The following MACROD2 variants were observed in gnomAD, a reference collection of about 807,000 sequenced individuals.
MACROD2 encodes mono-ADP ribosylhydrolase 2.
In MACROD2, 36 loss-of-function variants were observed where a neutral mutation model predicts 70.4. The observed-to-expected ratio is 0.51, with a 90% CI of 0.39 to 0.68. The LOEUF (loss-of-function observed/expected upper bound fraction) is 0.68. MACROD2 is among the 30% of genes least tolerant of loss of function. The pLI is 0.00. For missense variants in MACROD2, 496 were observed against 538.4 expected (o/e 0.92, Z 0.78); for synonymous variants, 172 against 178.8 (o/e 0.96, Z 0.30).
At chr20:15,142,819 T>C (rs1485554001) in intron 5 of MACROD2, among the ~76,000 whole-genome samples, 1 of 152,164 alleles carries the variant, frequency 6.6e-6, no homozygotes, top group East Asian at 1.9e-4. Flanking sequence ...GCTTCATCCA[T>C]GTCCCTACAA....
At chr20:15,797,361 C>T (rs1271025214) in intron 8 of MACROD2, among the ~76,000 whole-genome samples, 1 of 152,088 alleles carries the variant, frequency 6.6e-6, no homozygotes, top group Non-Finnish European at 1.5e-5. Context: ...GTGATCCGCC[C>T]GCCCCAGCCT....
intron 8 of MACROD2, among the ~76,000 whole-genome samples, chr20:15,553,639 T>C (rs2048127412): frequency 6.6e-6 from 1 of 152,156 alleles, no homozygotes; most frequent in Admixed American, 6.5e-5. Flanking sequence ...AGGCCAGTCC[T>C]GAACTCCTAA....
chr20:14,644,021 A>G (rs1985237520), intron 4 of MACROD2, among the ~76,000 whole-genome samples: 1 of 152,226 alleles, frequency 6.6e-6, no homozygotes, highest in Admixed American at 6.6e-5. Flanking sequence ...TAATGTATAT[A>G]AAGTACTTAG....
At chr20:14,346,712 A>G (rs1400553469) in intron 3 of MACROD2, among the ~76,000 whole-genome samples, 17 of 152,198 alleles carry the variant, frequency 1.1e-4, no homozygotes, top group Admixed American at 1.1e-3. Context: ...GAGAGTGTTT[A>G]GTAGAAACTC....
At chr20:14,627,961 G>A (rs139174431) in intron 4 of MACROD2, among the ~76,000 whole-genome samples, 4,528 of 152,242 alleles carry the variant, frequency 0.03, 115 homozygotes, top group Non-Finnish European at 0.04. Context: ...ACATAATGTG[G>A]GAATGCAGAC....
chr20:14,013,231 G>A lies in MACROD2; in HGVS notation c.163+10827G>A, dbSNP rs189466489. On this transcript the variant is annotated intron_variant, in intron 2 of 17. Coordinates refer to ENST00000684519, the MANE Select transcript of MACROD2 (RefSeq NM_001351661.2). ...AAAGAATCAATGTATAAGTGGACCT[G>A]TGCTGTTCAAACCTGTGTTGTTCAA... Among the ~76,000 whole-genome samples, 48 of 149,234 alleles carry A rather than the reference G, an allele frequency of 3.2e-4. No individual in the cohort carries two copies. The East Asian group carries it at 5.1e-3, about 16-fold the overall frequency.
In MACROD2 at chr20:15,565,765, T is replaced by C. The variant is rs145584346; in HGVS notation, c.645+65918T>C. Among the ~76,000 whole-genome samples the C allele has an allele frequency of 3.2e-3, 489 of 152,240 alleles. 1 individual carries two copies. Among genetic ancestry groups the C allele is most frequent in the African/African-American group, 0.011 (462 of 41,536 alleles). On this transcript the variant is annotated intron_variant, in intron 8 of 17. Transcript: ENST00000684519. ...CACGTGGCTAATTTTTTAATTTTAA[T>C]ATTTTACAGACGCGGTCTGGCTGTA...
intron 3 of MACROD2, among the ~76,000 whole-genome samples, chr20:14,265,923 C>G (rs909002739): frequency 2.6e-5 from 4 of 152,068 alleles, no homozygotes; most frequent in Non-Finnish European, 5.9e-5. Flanking sequence ...ACTACAGGCG[C>G]ATGCCACCAC....
chr20:15,078,514 T>A (rs2075677445), intron 5 of MACROD2, among the ~76,000 whole-genome samples: 1 of 152,198 alleles, frequency 6.6e-6, no homozygotes, highest in Non-Finnish European at 1.5e-5. Flanking sequence ...TATTTTTTAC[T>A]CTTCAAAAAC....
At chr20:14,361,085 C>CTAACATATGATTTATACTATCTA (rs1206719343) in intron 3 of MACROD2, among the ~76,000 whole-genome samples, 14 of 151,980 alleles carry the variant, frequency 9.2e-5, no homozygotes, top group Non-Finnish European at 2.9e-5. Flanking sequence ...GGTGATAATC[C>CTAACATATGATTTATACTATCTA]CTTTCATTTA....
chr20:15,744,693 TACACACACACAC>T (rs11467530), intron 8 of MACROD2, among the ~76,000 whole-genome samples: 4,090 of 148,306 alleles, frequency 0.028, 175 homozygotes, highest in African/African-American at 0.092. Context: ...AAACCAAGTA[TACACACACACAC>T]ACACACACAC....
At chr20:15,605,192 T>C (rs2048875740) in intron 8 of MACROD2, among the ~76,000 whole-genome samples, 2 of 152,220 alleles carry the variant, frequency 1.3e-5, no homozygotes, top group African/African-American at 2.4e-5. Context: ...GCAACTTATG[T>C]GTAGTCCATG....
intron 8 of MACROD2, among the ~76,000 whole-genome samples, chr20:15,716,794 G>A (rs931956816): frequency 3.3e-5 from 5 of 152,118 alleles, no homozygotes. Flanking sequence ...GGCCCTAAGT[G>A]AAAAGGAGGA....
At chr20:14,747,233 C>G (rs1210856887) in intron 5 of MACROD2, among the ~76,000 whole-genome samples, 2 of 152,110 alleles carry the variant, frequency 1.3e-5, no homozygotes, top group Non-Finnish European at 2.9e-5. Flanking sequence ...TCAAAAGAAG[C>G]AAAGTGAGAA....
In MACROD2 at chr20:15,707,192, G is replaced by A. The variant is rs78183122; in HGVS notation, c.646-155553G>A. Among the ~76,000 whole-genome samples, 499 of 152,180 alleles carry A rather than the reference G, an allele frequency of 3.3e-3. 15 individuals are homozygous for A. The East Asian group carries it at 0.082, about 25-fold the overall frequency. On this transcript the variant is annotated intron_variant, in intron 8 of 17. Transcript: ENST00000684519. ...ATACACTCACCTGATCCTGGGTGAC[G>A]GAAACGAGTATGAGGAATTTAAGTA... is the stretch of plus-strand genomic sequence containing the variant.
At chr20:15,234,177 G>A (rs1372909045) in intron 6 of MACROD2, among the ~76,000 whole-genome samples, 14 of 141,150 alleles carry the variant, frequency 9.9e-5, no homozygotes, top group Admixed American at 1.4e-4. Context: ...GACTACAGGC[G>A]CCCGCTACCA....
intron 3 of MACROD2, among the ~76,000 whole-genome samples, chr20:14,199,057 C>G (rs1160491790): frequency 6.6e-6 from 1 of 151,910 alleles, no homozygotes; most frequent in Non-Finnish European, 1.5e-5. Context: ...CCTCACTACT[C>G]TTTCTTTAAA....
chr20:14,484,566 TC>T (rs2084700113), intron 3 of MACROD2, among the ~76,000 whole-genome samples: 1 of 152,182 alleles, frequency 6.6e-6, no homozygotes, highest in African/African-American at 2.4e-5. Flanking sequence ...CCATTAACTA[TC>T]CCCACTTCCT....
chr20:14,549,906 C>T (rs1264583098), intron 4 of MACROD2, among the ~76,000 whole-genome samples: 4 of 151,662 alleles, frequency 2.6e-5, no homozygotes, highest in African/African-American at 7.3e-5. Context: ...TTTTTATAAC[C>T]ATAACCATTT....
Sources: allele counts gnomAD v4.1 joint callset (sites outside exome capture counted in the v4.1 genomes callset), GRCh38; gene constraint gnomAD v4.1.1; transcripts MANE v1.5; gene names NCBI Gene and HGNC (gene_info 2026-07-23, HGNC 2026-07-21).